Variants in PTPRK observed in about 807,000 individuals in gnomAD.
The protein encoded by PTPRK is protein tyrosine phosphatase receptor type K.
A neutral mutation model predicts 178.0 loss-of-function variants in PTPRK; 75 were observed. The ratio of observed to expected loss-of-function variants is 0.42; its 90% CI spans 0.35 to 0.51. The LOEUF (loss-of-function observed/expected upper bound fraction) is 0.51. PTPRK is among the 20% of genes least tolerant of loss of function. The pLI, the probability that PTPRK is intolerant of heterozygous loss-of-function variation, is 0.02. For missense variants in PTPRK, 1,441 were observed against 1,797.8 expected, an observed-to-expected ratio of 0.80 and a Z score of 3.59; for synonymous variants, 637 against 620.6, an observed-to-expected ratio of 1.03 and a Z score of -0.39.
At chr6:128,516,256 G>A (rs2128446044) in intron 1 of PTPRK, among the ~76,000 whole-genome samples, 1 of 152,242 alleles carries the variant, frequency 6.6e-6, no homozygotes, top group East Asian at 1.9e-4. Context: ...TGAGCACAAA[G>A]AGAAGAGCTG....
intron 2 of PTPRK, among the ~76,000 whole-genome samples, chr6:128,352,030 G>A (rs894582220): frequency 6.6e-6 from 1 of 152,008 alleles, no homozygotes; most frequent in Non-Finnish European, 1.5e-5. Flanking sequence ...GCTAAGGCAG[G>A]TGGATCACGA....
intron 1 of PTPRK, among the ~76,000 whole-genome samples, chr6:128,450,197 G>A (rs2128405645): frequency 6.6e-6 from 1 of 152,074 alleles, no homozygotes; most frequent in South Asian, 2.1e-4. Flanking sequence ...TGACAGTGGA[G>A]AAAAGTATGC....
chr6:128,096,904 C>A (rs547095460), intron 7 of PTPRK, among the ~76,000 whole-genome samples: 1 of 152,224 alleles, frequency 6.6e-6, no homozygotes, highest in South Asian at 2.1e-4. Context: ...CAGTGCTGCA[C>A]CTTGGGGAAG....
At chr6:128,217,266 A>G (rs1201474138) in intron 6 of PTPRK, among the ~76,000 whole-genome samples, 1 of 152,036 alleles carries the variant, frequency 6.6e-6, no homozygotes, top group African/African-American at 2.4e-5. Flanking sequence ...CTGGGATCTC[A>G]TGAACTTGTG....
At chr6:128,199,138 C>T (rs971772943) in intron 6 of PTPRK, among the ~76,000 whole-genome samples, 2 of 152,104 alleles carry the variant, frequency 1.3e-5, no homozygotes, top group Non-Finnish European at 2.9e-5. Context: ...CCAAAATGAT[C>T]CCATCTGTTC....
At chr6:128,215,630 C>T (rs1452253711) in intron 6 of PTPRK, among the ~76,000 whole-genome samples, 1 of 152,090 alleles carries the variant, frequency 6.6e-6, no homozygotes, top group East Asian at 1.9e-4. Context: ...TAGATCAATA[C>T]TCTTCAGCAT....
At chr6:128,372,774 C>G (rs1836469817) in intron 2 of PTPRK, among the ~76,000 whole-genome samples, 1 of 152,124 alleles carries the variant, frequency 6.6e-6, no homozygotes, top group Non-Finnish European at 1.5e-5. Context: ...AGACCCCTAC[C>G]TGGCTCTCAG....
intron 3 of PTPRK, among the ~76,000 whole-genome samples, chr6:128,270,738 T>G (rs1440701195): frequency 2.0e-5 from 3 of 152,134 alleles, no homozygotes; most frequent in African/African-American, 7.2e-5. Flanking sequence ...ATTTTTCAGA[T>G]AGTACACATT....
intron 5 of PTPRK, among the ~76,000 whole-genome samples, chr6:128,223,789 T>C (rs1810822790): frequency 1.3e-5 from 2 of 152,148 alleles, no homozygotes; most frequent in African/African-American, 4.8e-5. Flanking sequence ...GTGATGCACA[T>C]AGCCTGTTAG....
At chr6:128,296,975 A>C (rs1824545906) in intron 3 of PTPRK, among the ~76,000 whole-genome samples, 1 of 151,758 alleles carries the variant, frequency 6.6e-6, no homozygotes, top group African/African-American at 2.4e-5. Context: ...GTATTCAGGA[A>C]ACCCATCTCA....
intron 1 of PTPRK, among the ~76,000 whole-genome samples, chr6:128,483,143 T>G (rs987185655): frequency 6.6e-6 from 1 of 152,200 alleles, no homozygotes; most frequent in African/African-American, 2.4e-5. Flanking sequence ...TTGAGCAAAG[T>G]AGTACCTTAT....
intron 7 of PTPRK, among the ~76,000 whole-genome samples, chr6:128,103,873 C>T (rs1289847787): frequency 2.0e-5 from 3 of 152,156 alleles, no homozygotes; most frequent in Non-Finnish European, 4.4e-5. Context: ...CCAGTGACTT[C>T]CCATCTGAAT....
intron 1 of PTPRK, among the ~76,000 whole-genome samples, chr6:128,405,694 AC>A (rs1286677538): frequency 6.6e-6 from 1 of 152,094 alleles, no homozygotes. Context: ...TATGAGACAC[AC>A]ACTGGCTTAT....
chr6:128,212,635 A>G (rs1192356912), intron 6 of PTPRK, among the ~76,000 whole-genome samples: 2 of 152,084 alleles, frequency 1.3e-5, no homozygotes, highest in African/African-American at 2.4e-5. Context: ...TTAATGATGC[A>G]AATGATTCTG....
chr6:128,089,766 GACATTTGTATAAGGTGGCAGATGGTTC>G lies in PTPRK; in HGVS notation c.1362_1388del (p.Asn455_Val463del). On this transcript the variant is annotated inframe_deletion, in exon 8 of 30. Transcript: ENST00000368226. The stretch of plus-strand genomic sequence containing the variant: ...GATTGGTTAGGATCATCTTGAGGCT[GACATTTGTATAAGGTGGCAGATGGTTC>G]ACAACATGCTGAGGGGCTTTGGGGT... 1.2e-6 allele frequency: 2 copies of G among 1,613,352 alleles called. No individual in the cohort carries two copies. The highest frequency in any genetic ancestry group is 1.7e-6 in the Non-Finnish European group (2 of 1,179,300).
intron 1 of PTPRK, among the ~76,000 whole-genome samples, chr6:128,402,039 T>C (rs970989572): frequency 6.6e-6 from 1 of 152,206 alleles, no homozygotes; most frequent in Admixed American, 6.5e-5. Context: ...GCTAACTTTG[T>C]CATCTATCTA....
chr6:128,089,928 G>A lies in PTPRK; in HGVS notation c.1227C>T (p.Asp409=), dbSNP rs770250864. ...AEIQARRIAV[D]WESLGYNITR... ...TAATGTTGTAACCCAAGGATTCCCA[G>A]TCCACAGCAATCCGTCTTGCCTGTA... The change falls in exon 8 of 30, where the codon GAC becomes GAT. Residue 409 remains aspartate (D), a synonymous_variant. Coordinates refer to ENST00000368226, the MANE Select transcript of PTPRK (RefSeq NM_002844.4). The A allele has an allele frequency of 6.8e-6, 11 of 1,611,868 alleles. No individual in the cohort carries two copies. Among genetic ancestry groups the A allele is most frequent in the Non-Finnish European group, 8.5e-6 (10 of 1,178,064 alleles).
At chr6:128,024,961 G>T (rs1261192997) in intron 13 of PTPRK, among the ~76,000 whole-genome samples, 1 of 144,942 alleles carries the variant, frequency 6.9e-6, no homozygotes, top group African/African-American at 2.5e-5. Context: ...GAATATGAGA[G>T]AATAGAATGT....
chr6:128,189,028 T>C (rs895057056), intron 6 of PTPRK, among the ~76,000 whole-genome samples: 3 of 152,006 alleles, frequency 2.0e-5, no homozygotes, highest in African/African-American at 7.3e-5. Context: ...TTAGAATCTA[T>C]TTGGGGGGCA....
Sources: gnomAD v4.1 joint callset for allele counts (sites outside exome capture counted in the v4.1 genomes callset) on GRCh38, gnomAD v4.1.1 for gene constraint, MANE v1.5 for transcripts, NCBI Gene and HGNC (gene_info 2026-07-23, HGNC 2026-07-21) for gene names.